The following NRXN1 variants were observed in gnomAD, a reference collection of about 807,000 sequenced individuals.
NRXN1 encodes the protein neurexin-1.
NRXN1 carries 39 observed loss-of-function variants against 150.9 expected under a neutral mutation model. That is an observed-to-expected ratio of 0.26 (90% CI 0.20 to 0.34). NRXN1 has a LOEUF of 0.34. Ranked by LOEUF, NRXN1 falls within the 10% of genes least tolerant of loss-of-function variation. The pLI, the probability that NRXN1 is intolerant of heterozygous loss-of-function variation, is 1.00. For synonymous variants in NRXN1, 924 were observed against 757.0 expected (o/e 1.22, Z -3.62); for missense variants, 1,815 against 1,949.9 (o/e 0.93, Z 1.30).
chr2:50,060,158 C>T (rs1694302018), intron 19 of NRXN1, among the ~76,000 whole-genome samples: 1 of 152,180 alleles, frequency 6.6e-6, no homozygotes, highest in African/African-American at 2.4e-5. Context: ...CTGTACCCTG[C>T]AAAGCCACAG....
chr2:50,180,131 C>T (rs756954992), intron 18 of NRXN1, among the ~76,000 whole-genome samples: 1 of 152,000 alleles, frequency 6.6e-6, no homozygotes, highest in Admixed American at 6.6e-5. Context: ...AAGCAATCCT[C>T]CTGCCTCAGC....
chr2:50,338,389 G>GAAATA (rs964467466), intron 17 of NRXN1, among the ~76,000 whole-genome samples: 31 of 151,948 alleles, frequency 2.0e-4, no homozygotes, highest in African/African-American at 5.6e-4. Flanking sequence ...AAATGAGTAT[G>GAAATA]AAATAAAAGG....
chr2:50,800,760 G>A (rs889114083), intron 5 of NRXN1, among the ~76,000 whole-genome samples: 8 of 152,100 alleles, frequency 5.3e-5, no homozygotes, highest in African/African-American at 1.4e-4. Flanking sequence ...ATGTTGGTCA[G>A]CCTGTTCTCG....
intron 18 of NRXN1, among the ~76,000 whole-genome samples, chr2:50,191,205 G>GGT (rs367765907): frequency 1.5e-5 from 2 of 131,596 alleles, no homozygotes; most frequent in Non-Finnish European, 3.2e-5. Context: ...ATTGTTTTTT[G>GGT]TTTTTTTTTT....
intron 19 of NRXN1, among the ~76,000 whole-genome samples, chr2:50,089,573 G>A (rs1389915146): frequency 6.6e-6 from 1 of 152,064 alleles, no homozygotes; most frequent in Non-Finnish European, 1.5e-5. Context: ...GATCACTTAA[G>A]GTCAGGTGTT....
chr2:50,211,282 T>C (rs2062995023), intron 18 of NRXN1, among the ~76,000 whole-genome samples: 1 of 151,692 alleles, frequency 6.6e-6, no homozygotes. Context: ...CACATACATA[T>C]ACACATATAC....
intron 21 of NRXN1, among the ~76,000 whole-genome samples, chr2:50,053,035 A>G (rs1395557910): frequency 6.6e-6 from 1 of 152,160 alleles, no homozygotes; most frequent in Non-Finnish European, 1.5e-5. Context: ...CAAGACTATC[A>G]TTTAGCATCT....
rs369174565 is a variant in NRXN1 at position 50,348,876 on chromosome 2, G to T, written c.3365-111906C>A. Among the ~76,000 whole-genome samples, 14 of 151,240 alleles carry T rather than the reference G, an allele frequency of 9.3e-5. No individual in the cohort carries two copies. In the South Asian group the frequency reaches 2.5e-3, roughly 27 times the overall value. On this transcript the variant is annotated intron_variant, in intron 17 of 22. Transcript: ENST00000401669. The stretch of plus-strand genomic sequence containing the variant: ...TCTTTATTTCTATTTAAAGCCAAAA[G>T]AAAGCAACATTGAACAGGAATGATT...
chr2:50,785,687 G>A (rs980980354), intron 5 of NRXN1, among the ~76,000 whole-genome samples: 1 of 152,140 alleles, frequency 6.6e-6, no homozygotes, highest in Non-Finnish European at 1.5e-5. Flanking sequence ...GAGAAAGTCT[G>A]AAGAAGCAGA....
intron 13 of NRXN1, among the ~76,000 whole-genome samples, chr2:50,501,340 C>T (rs1437255311): frequency 6.6e-6 from 1 of 151,146 alleles, no homozygotes; most frequent in East Asian, 1.9e-4. Flanking sequence ...TTCTTACATT[C>T]AGAGCTAAGG....
chr2:50,873,365 T>C (rs953704192), intron 5 of NRXN1, among the ~76,000 whole-genome samples: 4 of 151,872 alleles, frequency 2.6e-5, no homozygotes, highest in Non-Finnish European at 5.9e-5. Context: ...TTTGGGGTAA[T>C]TGCTAATGCA....
intron 12 of NRXN1, among the ~76,000 whole-genome samples, chr2:50,512,677 A>G (rs2092493915): frequency 6.6e-6 from 1 of 152,186 alleles, no homozygotes; most frequent in African/African-American, 2.4e-5. Context: ...AGGACCTAAC[A>G]TGCATTACCT....
chr2:50,986,025 A>G (rs1697643686), intron 2 of NRXN1, among the ~76,000 whole-genome samples: 1 of 151,772 alleles, frequency 6.6e-6, no homozygotes, highest in African/African-American at 2.4e-5. Flanking sequence ...ATATTTAATG[A>G]CTTCCCATCT....
chr2:50,368,822 T>G (rs75425966), intron 17 of NRXN1, among the ~76,000 whole-genome samples: 4,031 of 152,102 alleles, frequency 0.027, 140 homozygotes, highest in East Asian at 0.12. Context: ...AAGTGGAGTT[T>G]CCAGAAAGCA....
At chr2:50,245,979 T>C (rs1357884608) in intron 17 of NRXN1, among the ~76,000 whole-genome samples, 2 of 151,736 alleles carry the variant, frequency 1.3e-5, no homozygotes, top group Non-Finnish European at 2.9e-5. Context: ...TTTAGAAAAA[T>C]AAATTATAAT....
rs2077997490 is a variant in NRXN1, at chr2:50,346,654, G to A, written c.3365-109684C>T. On this transcript the variant is annotated intron_variant, in intron 17 of 22. Coordinates refer to ENST00000401669, the MANE Select transcript of NRXN1 (RefSeq NM_001330078.2). This position sits in a 1 kb window ranked among gnomAD's most constrained non-coding sequence, Gnocchi z 5.0. ...GTGCAGGGTAGAAAGAGGGGAGCGA[G>A]GGGATAACCCGCGAGAACTTGGCAT... 1 of 1,607,482 alleles carries A rather than the reference G, an allele frequency of 6.2e-7. No individual in the cohort carries two copies. The highest frequency in any genetic ancestry group is 1.7e-5 in the Admixed American group (1 of 59,934).
chr2:50,752,454 A>G (rs938678447), intron 5 of NRXN1, among the ~76,000 whole-genome samples: 1 of 151,962 alleles, frequency 6.6e-6, no homozygotes, highest in Non-Finnish European at 1.5e-5. Context: ...AATGTTCATA[A>G]AATTTTACTG....
chr2:50,513,773 TGGA>T (rs1558862719), intron 12 of NRXN1, among the ~76,000 whole-genome samples: 1 of 152,042 alleles, frequency 6.6e-6, no homozygotes, highest in Non-Finnish European at 1.5e-5. Context: ...CAGATGCCTC[TGGA>T]ACTGAAAGGT....
chr2:51,021,824 G>C (rs1215929951), intron 2 of NRXN1, among the ~76,000 whole-genome samples: 1 of 151,938 alleles, frequency 6.6e-6, no homozygotes, highest in African/African-American at 2.4e-5. Flanking sequence ...TATTAATATA[G>C]TAAAAATCAC....
Sources: gnomAD v4.1 joint callset for allele counts (sites outside exome capture counted in the v4.1 genomes callset) on GRCh38, gnomAD v4.1.1 for gene constraint, Gnocchi (gnomAD v3.1) non-coding constraint, MANE v1.5 for transcripts, NCBI Gene and HGNC (gene_info 2026-07-23, HGNC 2026-07-21) for gene names.